Variants in SDK1 observed in about 807,000 individuals in gnomAD.
SDK1 encodes sidekick cell adhesion molecule 1, also known as protein sidekick-1.
In SDK1, 157 loss-of-function variants were observed where a neutral mutation model predicts 245.5. That is an observed-to-expected ratio of 0.64 (90% confidence interval 0.56 to 0.73). The LOEUF (loss-of-function observed/expected upper bound fraction) is 0.73. SDK1 is among the 30% of genes least tolerant of loss of function. The pLI, the probability that SDK1 is intolerant of heterozygous loss-of-function variation, is 0.00. For synonymous variants in SDK1, 1,647 were observed against 1,278.5 expected (o/e 1.29, Z -6.15); for missense variants, 3,583 against 3,002.3 (o/e 1.19, Z -4.52).
At chr7:4,214,176 C>T (rs955870315) in intron 38 of SDK1, among the ~76,000 whole-genome samples, 2 of 151,936 alleles carry the variant, frequency 1.3e-5, no homozygotes, top group African/African-American at 4.8e-5. Flanking sequence ...AGTCCAGAGC[C>T]AAGGCCTAAA....
chr7:3,413,191 A>G (rs2128578122), intron 1 of SDK1, among the ~76,000 whole-genome samples: 1 of 152,306 alleles, frequency 6.6e-6, no homozygotes, highest in East Asian at 1.9e-4. Context: ...AGCAGGAACA[A>G]CAACTGCGAA....
chr7:3,797,209 C>G (rs905599212), intron 4 of SDK1, among the ~76,000 whole-genome samples: 1 of 151,926 alleles, frequency 6.6e-6, no homozygotes, highest in South Asian at 2.1e-4. Context: ...TCTCTAACCC[C>G]TAGCTCCAAG....
intron 4 of SDK1, among the ~76,000 whole-genome samples, chr7:3,681,495 T>TAGGC (rs1784098950): frequency 6.6e-6 from 1 of 152,206 alleles, no homozygotes; most frequent in African/African-American, 2.4e-5. Context: ...GTCATAAAGG[T>TAGGC]AGGCAAGTCT....
chr7:4,049,428 C>T lies in SDK1; in HGVS notation c.2683C>T (p.Gln895Ter). The T allele has an allele frequency of 1.2e-6, 2 of 1,614,172 alleles. No individual in the cohort carries two copies. The highest frequency in any genetic ancestry group is 1.7e-6 in the Non-Finnish European group (2 of 1,180,010). Residue 895 changes from glutamine to a stop codon, truncating the protein, a stop_gained, in exon 18 of 45, where the codon CAG (glutamine) becomes TAG (stop). Coordinates refer to ENST00000404826, the MANE Select transcript of SDK1 (RefSeq NM_152744.4). LOFTEE classifies it high-confidence loss of function. ...TIQFLWNPPP[Q>*]QFINGINQGY... is the part of the protein sequence containing the mutation. ...TCAGTTCCTGTGGAACCCTCCGCCT[C>T]AGCAGTTTATCAATGGCATCAACCA...
intron 1 of SDK1, among the ~76,000 whole-genome samples, chr7:3,389,194 A>G (rs1417702592): frequency 1.3e-5 from 2 of 152,340 alleles, no homozygotes; most frequent in East Asian, 3.9e-4. Flanking sequence ...AATGATGTCC[A>G]GGTTCTAATT....
chr7:3,807,678 C>G (rs373173902), intron 4 of SDK1, among the ~76,000 whole-genome samples: 1 of 152,120 alleles, frequency 6.6e-6, no homozygotes, highest in Non-Finnish European at 1.5e-5. Context: ...GGCATGTTGT[C>G]TCACTGGGTC....
At position 3,369,246 on chromosome 7, in the gene SDK1, A is replaced by G. The variant is rs556836027; in HGVS notation, c.298+67362A>G. Among the ~76,000 whole-genome samples the G allele has an allele frequency of 2.8e-4, 42 of 152,172 alleles. No homozygotes were observed. The South Asian group carries it at 8.7e-3, about 32-fold the overall frequency. On this transcript the variant is annotated intron_variant, in intron 1 of 44. Coordinates refer to ENST00000404826, the MANE Select transcript of SDK1 (RefSeq NM_152744.4). ...TTTTTAGTAGAGACGGGGTTTCACC[A>G]TGTTGGCGAGGCTGGTCTCAAACTC... is the stretch of plus-strand genomic sequence containing the variant.
intron 4 of SDK1, among the ~76,000 whole-genome samples, chr7:3,649,589 A>G (rs1782944963): frequency 6.6e-6 from 1 of 152,138 alleles, no homozygotes; most frequent in Admixed American, 6.5e-5. Flanking sequence ...TAATAATAAT[A>G]ATAATTAATG....
At chr7:3,319,849 C>A (rs1779753343) in intron 1 of SDK1, among the ~76,000 whole-genome samples, 1 of 113,488 alleles carries the variant, frequency 8.8e-6, no homozygotes. Flanking sequence ...TTTCCTCTTC[C>A]ATTTGCCTAT....
At chr7:3,384,085 A>G in intron 1 of SDK1, among the ~76,000 whole-genome samples, 1 of 152,206 alleles carries the variant, frequency 6.6e-6, no homozygotes, top group Non-Finnish European at 1.5e-5. Context: ...GTGATTAGGT[A>G]GAAATAATGG....
At chr7:3,359,224 C>T (rs1367105021) in intron 1 of SDK1, among the ~76,000 whole-genome samples, 2 of 152,098 alleles carry the variant, frequency 1.3e-5, no homozygotes, top group African/African-American at 2.4e-5. Context: ...AAGTGGCCCC[C>T]TTCCTGGCAC....
chr7:4,044,920 T>C (rs1471754592), intron 17 of SDK1, among the ~76,000 whole-genome samples: 1 of 152,204 alleles, frequency 6.6e-6, no homozygotes, highest in Non-Finnish European at 1.5e-5. Flanking sequence ...TTTGTGCTTT[T>C]ATATTCACCC....
chr7:4,048,105 G>C (rs1789152402), intron 17 of SDK1, among the ~76,000 whole-genome samples: 1 of 152,176 alleles, frequency 6.6e-6, no homozygotes, highest in Admixed American at 6.5e-5. Context: ...CGGGCTTTTG[G>C]GGAAGGGAGC....
intron 5 of SDK1, among the ~76,000 whole-genome samples, chr7:3,831,273 A>G (rs1265524683): frequency 6.6e-6 from 1 of 152,328 alleles, no homozygotes; most frequent in Non-Finnish European, 1.5e-5. Context: ...AGTTGAATAC[A>G]GCGATGATTC....
At chr7:3,308,291 C>T (rs774845857) in intron 1 of SDK1, among the ~76,000 whole-genome samples, 7 of 151,964 alleles carry the variant, frequency 4.6e-5, no homozygotes, top group Non-Finnish European at 8.8e-5. Context: ...GAGAAAATGG[C>T]GATGGATGAG....
intron 29 of SDK1, 80 bp from the exon 30 acceptor site, chr7:4,149,182 C>T (rs943365653): frequency 2.5e-6 from 3 of 1,209,272 alleles, no homozygotes; most frequent in Non-Finnish European, 3.3e-6. Context: ...CAGCCCTGTA[C>T]AGCAGCGTAG....
At chr7:3,651,761 C>T (rs376192417) in intron 4 of SDK1, among the ~76,000 whole-genome samples, 3 of 151,992 alleles carry the variant, frequency 2.0e-5, no homozygotes, top group South Asian at 2.1e-4. Context: ...AAAGAAGAAA[C>T]CTTAAGACAA....
intron 4 of SDK1, among the ~76,000 whole-genome samples, chr7:3,699,320 C>G (rs943069701): frequency 2.0e-5 from 3 of 152,002 alleles, no homozygotes; most frequent in Admixed American, 2.0e-4. Context: ...GATGTCCGAC[C>G]AGCATTTTAA....
intron 1 of SDK1, among the ~76,000 whole-genome samples, chr7:3,447,468 A>G (rs1158583267): frequency 1.3e-5 from 2 of 152,078 alleles, no homozygotes; most frequent in African/African-American, 4.8e-5. Flanking sequence ...ATAATAATAA[A>G]TGTATGCTTC....
Sources: gnomAD v4.1 joint callset for allele counts (sites outside exome capture counted in the v4.1 genomes callset) on GRCh38, gnomAD v4.1.1 for gene constraint, MANE v1.5 for transcripts, NCBI Gene and HGNC (gene_info 2026-07-23, HGNC 2026-07-21) for gene names.